The following NDUFAF6 variants were observed in gnomAD, a reference collection of about 807,000 sequenced individuals.
The protein encoded by NDUFAF6 is NADH dehydrogenase (ubiquinone) complex I, assembly factor 6.
NDUFAF6 carries 45 observed loss-of-function variants against 40.8 expected under a neutral mutation model. That is an observed-to-expected ratio of 1.10 (90% confidence interval 0.87 to 1.42). The LOEUF (loss-of-function observed/expected upper bound fraction) is 1.42, where lower values mean the gene tolerates loss of function less well. NDUFAF6 is among the 40% of genes most tolerant of loss of function. The probability of loss-of-function intolerance (pLI) is 0.00; values close to 1 mark genes in which losing one functional copy is unlikely to be tolerated. For synonymous variants in NDUFAF6, 185 were observed against 155.9 expected, an observed-to-expected ratio of 1.19 and a Z score of -1.39; for missense variants, 435 against 418.5, an observed-to-expected ratio of 1.04 and a Z score of -0.34.
chr8:95,052,449 A>C (rs970904365), intron 8 of NDUFAF6, among the ~76,000 whole-genome samples: 1 of 152,192 alleles, frequency 6.6e-6, no homozygotes, highest in African/African-American at 2.4e-5. Context: ...CGGACTTTGC[A>C]GCCAGATTGC....
intron 1 of NDUFAF6, among the ~76,000 whole-genome samples, chr8:94,937,962 G>A (rs754830941): frequency 1.3e-5 from 2 of 152,160 alleles, no homozygotes; most frequent in Non-Finnish European, 2.9e-5. Flanking sequence ...CAGCACAGTG[G>A]CTAAAGCTAA....
At chr8:95,108,938 AATAG>A (rs762796939) in intron 4 of NDUFAF6, among the ~76,000 whole-genome samples, 13 of 152,326 alleles carry the variant, frequency 8.5e-5, no homozygotes, top group South Asian at 4.1e-4. Context: ...CCACAATAAA[AATAG>A]ATAGATAAAT....
chr8:94,941,803 C>G (rs1821561465), intron 1 of NDUFAF6, among the ~76,000 whole-genome samples: 1 of 152,288 alleles, frequency 6.6e-6, no homozygotes, highest in Admixed American at 6.5e-5. Context: ...GGCAACAGCT[C>G]CTACCTTAGG....
intron 2 of NDUFAF6, among the ~76,000 whole-genome samples, chr8:95,000,051 T>G (rs1299268557): frequency 6.6e-6 from 1 of 152,000 alleles, no homozygotes; most frequent in Non-Finnish European, 1.5e-5. Flanking sequence ...GTATTTTTTT[T>G]TTTTTTAAAG....
chr8:95,030,305 A>G (rs965903215), intron 1 of NDUFAF6, among the ~76,000 whole-genome samples: 1 of 152,144 alleles, frequency 6.6e-6, no homozygotes, highest in Non-Finnish European at 1.5e-5. Context: ...AGCTCACTGT[A>G]ACCTTGAACT....
At position 95,044,908 on chromosome 8, in the gene NDUFAF6, T is replaced by C. The variant is rs565408819; in HGVS notation, c.478-637T>C. 1.0e-3 allele frequency among the ~76,000 whole-genome samples: 155 copies of C among 152,330 alleles called. 1 individual carries two copies. Among genetic ancestry groups the C allele is most frequent in the Middle Eastern group, 6.8e-3 (2 of 294 alleles). On this transcript the variant is annotated intron_variant, in intron 4 of 8. Transcript: ENST00000396124. ...GTTCTCGCTATTAGATTCTCATTTT[T>C]CTGTTTCTTGCATATAGTGTATCTA...
upstream of NDUFAF6, among the ~76,000 whole-genome samples, chr8:95,023,859 C>T (rs1051114080): frequency 1.3e-5 from 2 of 152,036 alleles, no homozygotes; most frequent in African/African-American, 2.4e-5. Context: ...GACGTGGTGG[C>T]GTGCACCTGT....
intron 5 of NDUFAF6, 99 bp from the exon 6 acceptor site, chr8:95,046,895 T>A: frequency 1.3e-6 from 2 of 1,518,364 alleles, no homozygotes; most frequent in Non-Finnish European, 1.8e-6. Flanking sequence ...ACAGGATAAA[T>A]GTCTCCTTTT....
chr8:94,927,047 A>G (rs1206479869), intron 1 of NDUFAF6: 3 of 152,486 alleles, frequency 2.0e-5, no homozygotes, highest in African/African-American at 4.8e-5. Flanking sequence ...CATTACAAAC[A>G]TATACTACTA....
chr8:95,113,713 T>G (rs970813637), intron 4 of NDUFAF6, among the ~76,000 whole-genome samples: 2 of 152,056 alleles, frequency 1.3e-5, no homozygotes, highest in African/African-American at 2.4e-5. Flanking sequence ...ATCCTTGGAC[T>G]AGAGAAGAGA....
At chr8:95,075,451 A>G (rs144955781) in intron 9 of NDUFAF6, among the ~76,000 whole-genome samples, 13 of 152,318 alleles carry the variant, frequency 8.5e-5, no homozygotes, top group South Asian at 6.2e-4. Flanking sequence ...AATGAAAACA[A>G]TATTTCTCTG....
At chr8:94,931,245 A>C (rs936929299) in intron 1 of NDUFAF6, among the ~76,000 whole-genome samples, 6 of 152,230 alleles carry the variant, frequency 3.9e-5, no homozygotes, top group African/African-American at 1.2e-4. Flanking sequence ...ATCTTTATTT[A>C]ATAGAAATTT....
intron 1 of NDUFAF6, among the ~76,000 whole-genome samples, chr8:94,914,733 A>G (rs953231838): frequency 2.0e-5 from 3 of 152,082 alleles, no homozygotes; most frequent in Non-Finnish European, 2.9e-5. Context: ...CCTGGACAAC[A>G]TGGTGAAACC....
intron 8 of NDUFAF6, among the ~76,000 whole-genome samples, chr8:95,057,105 C>T (rs1220586809): frequency 2.0e-5 from 3 of 152,080 alleles, no homozygotes; most frequent in African/African-American, 4.8e-5. Context: ...CTTATGTGGA[C>T]GAGGAGGTCT....
intron 7 of NDUFAF6, among the ~76,000 whole-genome samples, chr8:95,049,318 C>G (rs964527787): frequency 1.3e-5 from 2 of 152,174 alleles, no homozygotes; most frequent in African/African-American, 4.8e-5. Flanking sequence ...TTTCTCCTGC[C>G]TGTCACTTTA....
chr8:95,108,082 A>G (rs986164846), downstream of NDUFAF6, among the ~76,000 whole-genome samples: 1 of 152,238 alleles, frequency 6.6e-6, no homozygotes, highest in African/African-American at 2.4e-5. Flanking sequence ...TTGGTGTGGG[A>G]TATGGGGCAA....
chr8:95,007,614 T>C (rs1186260718), intron 2 of NDUFAF6, among the ~76,000 whole-genome samples: 1 of 149,338 alleles, frequency 6.7e-6, no homozygotes, highest in Non-Finnish European at 1.5e-5. Flanking sequence ...TAGTGAGCCA[T>C]GACCATGCCA....
At chr8:94,938,969 T>C (rs1821260361) in intron 1 of NDUFAF6, among the ~76,000 whole-genome samples, 1 of 152,122 alleles carries the variant, frequency 6.6e-6, no homozygotes, top group South Asian at 2.1e-4. Flanking sequence ...TCTGATGCCA[T>C]CTCGAGGTAG....
intron 1 of NDUFAF6, among the ~76,000 whole-genome samples, chr8:94,965,478 C>T (rs1020218365): frequency 1.3e-5 from 2 of 152,168 alleles, no homozygotes; most frequent in African/African-American, 4.8e-5. Flanking sequence ...TATGCTGAGA[C>T]ATGATCCTGT....
Sources: allele counts gnomAD v4.1 joint callset (sites outside exome capture counted in the v4.1 genomes callset), GRCh38; gene constraint gnomAD v4.1.1; transcripts MANE v1.5; gene names NCBI Gene and HGNC (gene_info 2026-07-23, HGNC 2026-07-21).